The following PRKD3 variants were observed in gnomAD, a reference collection of about 807,000 sequenced individuals.
PRKD3 encodes protein kinase D3.
A neutral mutation model predicts 99.2 loss-of-function variants in PRKD3; 47 were observed. The observed-to-expected ratio is 0.47, with a 90% CI of 0.38 to 0.60. PRKD3 has a LOEUF of 0.60. PRKD3 is among the 20% of genes least tolerant of loss of function. The pLI, the probability that PRKD3 is intolerant of heterozygous loss-of-function variation, is 0.00. For missense variants in PRKD3, 1,019 were observed against 1,088.4 expected (o/e 0.94, Z 0.90); for synonymous variants, 392 against 355.4 (o/e 1.10, Z -1.16).
chr2:37,300,844 C>T (rs1162306136), intron 2 of PRKD3, among the ~76,000 whole-genome samples: 4 of 152,076 alleles, frequency 2.6e-5, no homozygotes, highest in Non-Finnish European at 4.4e-5. Flanking sequence ...TCAAAGAAAA[C>T]GCATATTTGA....
At chr2:37,263,746 G>C (rs1668635816) in intron 14 of PRKD3, among the ~76,000 whole-genome samples, 1 of 152,170 alleles carries the variant, frequency 6.6e-6, no homozygotes, top group South Asian at 2.1e-4. Context: ...AGCAAAAACA[G>C]TTGTGTTGTC....
Position 37,286,290 on chromosome 2 carries a change from C to T in PRKD3, c.797G>A (p.Cys266Tyr), listed in dbSNP as rs1303794516. ...AAATGTGTGTGGAACTTTCACTCTG[C>T]ACATTACCATCTTTTCCATCCAGAT... ...RPIWMEKMVM[C>Y]RVKVPHTFAV... The change falls in exon 6 of 19, where the codon TGC becomes TAC. Residue 266 changes from cysteine (C) to tyrosine (Y), a missense_variant. Physicochemically the swap from Cys to Tyr is radical, Grantham distance 194. Around this residue, in one of 3 missense-constraint regions of PRKD3, gnomAD observed 710 missense variants for 692.7 expected, o/e 1.02. Transcript: ENST00000234179. 6.2e-7 allele frequency: 1 copy of T among 1,614,026 alleles called. No individual in the cohort carries two copies. The highest frequency in any genetic ancestry group is 1.1e-5 in the South Asian group (1 of 91,078).
At chr2:37,311,238 T>A (rs1671412705) in intron 2 of PRKD3, among the ~76,000 whole-genome samples, 1 of 152,152 alleles carries the variant, frequency 6.6e-6, no homozygotes, top group South Asian at 2.1e-4. Context: ...AAGCAAAAAG[T>A]AGGATTGAAA....
chr2:37,275,443 C>T lies in PRKD3; in HGVS notation c.1374+324G>A, dbSNP rs115898966. Among the ~76,000 whole-genome samples, 667 of 152,260 alleles carry T rather than the reference C, an allele frequency of 4.4e-3. 5 individuals carry two copies. Among genetic ancestry groups the T allele is most frequent in the African/African-American group, 0.015 (639 of 41,542 alleles). On this transcript the variant is annotated intron_variant, in intron 10 of 18. Transcript: ENST00000234179. ...GAGAAATACTAAATACCTCACTGACCTCTTCTGGACAGTCAATGATGATGG... is the reference window on the plus strand; with the variant it reads ...GAGAAATACTAAATACCTCACTGACTTCTTCTGGACAGTCAATGATGATGG...
intron 2 of PRKD3, among the ~76,000 whole-genome samples, chr2:37,305,897 TGGA>T (rs1671143355): frequency 6.6e-6 from 1 of 152,124 alleles, no homozygotes; most frequent in Non-Finnish European, 1.5e-5. Flanking sequence ...CATTCTTCTA[TGGA>T]GGTGGACTTT....
chr2:37,266,838 T>C lies in PRKD3; in HGVS notation c.1884+592A>G, dbSNP rs1230065893. ...TTTCTTTAATAATATGCAAAAACTA[T>C]ATAACGTACATTTGCATATTATAAA... On this transcript the variant is annotated intron_variant, in intron 14 of 18. Coordinates refer to ENST00000234179, the MANE Select transcript of PRKD3 (RefSeq NM_005813.6). 2.0e-5 allele frequency among the ~76,000 whole-genome samples: 3 copies of C among 152,168 alleles called. No homozygotes were observed. The East Asian group carries it at 5.8e-4, about 29-fold the overall frequency.
intron 13 of PRKD3, chr2:37,268,584 C>T (rs988415241): frequency 4.2e-6 from 1 of 236,240 alleles, no homozygotes; most frequent in African/African-American, 2.3e-5. Flanking sequence ...AGCAGGAGTA[C>T]CAAAGGGGAA....
intron 14 of PRKD3, among the ~76,000 whole-genome samples, chr2:37,266,894 A>G (rs1668881347): frequency 6.6e-6 from 1 of 152,236 alleles, no homozygotes; most frequent in Non-Finnish European, 1.5e-5. Context: ...AAGTGATCCA[A>G]GGATCAAGCT....
intron 2 of PRKD3, among the ~76,000 whole-genome samples, chr2:37,304,196 T>TAAAAAA (rs70949750): frequency 5.3e-5 from 5 of 93,974 alleles, no homozygotes; most frequent in Non-Finnish European, 8.5e-5. Flanking sequence ...AGGTACTTAC[T>TAAAAAA]AAAAAAAAAA....
At chr2:37,260,122 C>T (rs1668299883) in intron 15 of PRKD3, 101 bp downstream of exon 15, 1 of 1,074,902 alleles carries the variant, frequency 9.3e-7, no homozygotes, top group Non-Finnish European at 1.3e-6. Context: ...CCAGATTGCA[C>T]CACTGCACTC....
chr2:37,278,248 A>G, intron 8 of PRKD3: 1 of 234,772 alleles, frequency 4.3e-6, no homozygotes, highest in East Asian at 1.1e-4. Context: ...AAAAACAATG[A>G]GCGGAATAGA....
intron 2 of PRKD3, among the ~76,000 whole-genome samples, chr2:37,295,700 T>C (rs1294605594): frequency 6.6e-6 from 1 of 152,240 alleles, no homozygotes; most frequent in Non-Finnish European, 1.5e-5. Flanking sequence ...AAAATTAAAT[T>C]ACTTGATGGC....
At chr2:37,276,247 A>G (rs1039708317) in intron 9 of PRKD3, among the ~76,000 whole-genome samples, 4 of 152,132 alleles carry the variant, frequency 2.6e-5, no homozygotes, top group Non-Finnish European at 4.4e-5. Context: ...TGATAGTGTT[A>G]TATTATTCTA....
At chr2:37,300,870 C>A (rs1289602823) in intron 2 of PRKD3, among the ~76,000 whole-genome samples, 1 of 152,214 alleles carries the variant, frequency 6.6e-6, no homozygotes, top group East Asian at 1.9e-4. Flanking sequence ...GTAGATACTG[C>A]CAAATTGCTC....
chr2:37,315,079 T>C (rs991121793), intron 2 of PRKD3, among the ~76,000 whole-genome samples: 5 of 152,314 alleles, frequency 3.3e-5, no homozygotes, highest in African/African-American at 1.2e-4. Flanking sequence ...GACAGTAAGA[T>C]GAAGAGCATG....
chr2:37,279,818 T>C lies in PRKD3; in HGVS notation c.1100A>G (p.Glu367Gly), dbSNP rs1392289984. Residue 367 changes from glutamate (E) to glycine (G), a missense_variant, in exon 8 of 19, where the codon GAA (glutamate) becomes GGA (glycine). By Grantham distance (98) the Glu-to-Gly change is moderately conservative (BLOSUM62 -2). Transcript: ENST00000234179. Reference protein sequence around the residue: ...LDDTEEPSPPEDKMFFLDPSD... With the variant: ...LDDTEEPSPPGDKMFFLDPSD... ...TGGATCCAAGAAGAACATCTTATCTTCTGGGGGTGATGGCTCTTCTGTGTC... is the reference window on the plus strand; with the variant it reads ...TGGATCCAAGAAGAACATCTTATCTCCTGGGGGTGATGGCTCTTCTGTGTC... 1.2e-6 allele frequency: 2 copies of C among 1,613,840 alleles called. No homozygotes were observed. The highest frequency in any genetic ancestry group is 2.2e-5 in the East Asian group (1 of 44,858).
intron 16 of PRKD3, 50 bp downstream of exon 16, chr2:37,259,533 C>T: frequency 7.1e-7 from 1 of 1,413,856 alleles, no homozygotes; most frequent in South Asian, 1.2e-5. Context: ...TATGTGGGTG[C>T]TTTGAAAATG....
chr2:37,315,832 C>G (rs1671632522), intron 2 of PRKD3, among the ~76,000 whole-genome samples: 1 of 152,232 alleles, frequency 6.6e-6, no homozygotes, highest in South Asian at 2.1e-4. Flanking sequence ...CCCCACGATT[C>G]TCCTGTCTCA....
In PRKD3 at chr2:37,252,924, A is replaced by C. The variant is rs777689505; in HGVS notation, c.*253T>G. ...GTATTAAAGTGAAGGATTAAGAAAA[A>C]ATACAAAACCAGTTATTGCTTAGGC... On this transcript the variant is annotated 3_prime_UTR_variant, in exon 19 of 19. Coordinates refer to ENST00000234179, the MANE Select transcript of PRKD3 (RefSeq NM_005813.6). 1.5e-5 allele frequency: 4 copies of C among 260,864 alleles called. No homozygotes were observed. Among genetic ancestry groups the C allele is most frequent in the Non-Finnish European group, 2.8e-5 (4 of 140,976 alleles). The allele number at this position is 260,864 out of a possible 1,614,324, so 16.2% of individuals were successfully genotyped here.
Sources: gnomAD v4.1 joint callset for allele counts (sites outside exome capture counted in the v4.1 genomes callset) on GRCh38, gnomAD v4.1.1 for gene constraint, gnomAD v4.1.1 regional missense constraint, MANE v1.5 for transcripts, NCBI Gene and HGNC (gene_info 2026-07-23, HGNC 2026-07-21) for gene names.